ATG12: variants seen among roughly 807,000 people sequenced by gnomAD.
ATG12 encodes ubiquitin-like protein ATG12.
Under a neutral mutation model 17.6 loss-of-function variants are expected in ATG12, and 19 were observed. The observed-to-expected ratio is 1.08, with a 90% confidence interval of 0.75 to 1.58. The LOEUF (loss-of-function observed/expected upper bound fraction) is 1.58, where lower values mean the gene tolerates loss of function less well. Among genes scored for constraint, ATG12 ranks in the 40% most tolerant of loss-of-function variants. The pLI is 0.00. For missense variants in ATG12, 214 were observed against 162.0 expected (o/e 1.32, Z -1.74); for synonymous variants, 75 against 62.4 (o/e 1.20, Z -0.95).
intron 2 of ATG12, among the ~76,000 whole-genome samples, chr5:115,836,526 A>T (rs978458979): frequency 1.6e-4 from 25 of 152,038 alleles, no homozygotes; most frequent in African/African-American, 6.0e-4. Flanking sequence ...AAACTCTTAG[A>T]TCAGAGTCAG....
At position 115,837,150 on chromosome 5, in the gene ATG12, T is replaced by C. The variant is rs189044473; in HGVS notation, c.300+478A>G. Among the ~76,000 whole-genome samples, 112 of 152,170 alleles carry C rather than the reference T, an allele frequency of 7.4e-4. 2 individuals carry two copies. Among genetic ancestry groups the C allele is most frequent in the Admixed American group, 6.9e-3 (105 of 15,270 alleles). On this transcript the variant is annotated intron_variant, in intron 2 of 3. Transcript: ENST00000509910. Reference sequence around the variant, plus strand: ...GGAAAACAATACAGGAGGCAAAAAATAAATACATAAACTGGTTCACATTGT... The same window carrying C: ...GGAAAACAATACAGGAGGCAAAAAACAAATACATAAACTGGTTCACATTGT...
rs747267885 is a variant in ATG12, at chr5:115,841,534, A to G, written c.19T>C (p.Ser7Pro). 3.7e-6 allele frequency: 6 copies of G among 1,613,200 alleles called. No individual in the cohort carries two copies. The highest frequency in any genetic ancestry group is 1.7e-5 in the Admixed American group (1 of 59,840). Residue 7 changes from serine (S) to proline (P), a missense_variant, in exon 1 of 4, where the codon TCT becomes CCT. Transcript: ENST00000509910. The part of the protein sequence containing the change: MAEEPQ[S>P]VLQLPTSIAA... ...ATTGAAGTAGGAAGCTGCAACACAGACTGCGGCTCCTCCGCCATCTTGCTT... is the reference window on the plus strand; with the variant it reads ...ATTGAAGTAGGAAGCTGCAACACAGGCTGCGGCTCCTCCGCCATCTTGCTT...
chr5:115,841,480 C>A lies in ATG12; in HGVS notation c.73G>T (p.Val25Phe), dbSNP rs779670457. Reference protein sequence around the residue: ...IAAGGEGLTDVSPETTTPEPP... With the variant: ...IAAGGEGLTDFSPETTTPEPP... Reference sequence around the variant, plus strand: ...TCCGGGGTGGTTGTTTCTGGGGAGACATCCGTAAGTCCTTCCCCTCCAGCA... The same window carrying A: ...TCCGGGGTGGTTGTTTCTGGGGAGAAATCCGTAAGTCCTTCCCCTCCAGCA... The change falls in exon 1 of 4, where the codon GTC becomes TTC. Residue 25 changes from valine to phenylalanine, a missense_variant. By Grantham distance (50) the Val-to-Phe change is conservative (BLOSUM62 -1). Coordinates refer to ENST00000509910, the MANE Select transcript of ATG12 (RefSeq NM_004707.4). 1.9e-6 allele frequency: 3 copies of A among 1,611,428 alleles called. No homozygotes were observed. The East Asian group carries it at 6.7e-5, about 36-fold the overall frequency.
At chr5:115,840,756 G>C in intron 1 of ATG12, 2 of 1,178,860 alleles carry the variant, frequency 1.7e-6, no homozygotes, top group African/African-American at 1.6e-5. Context: ...CTTTTACAAA[G>C]GGAAACATTC....
rs759393254 is a variant in ATG12, at chr5:115,829,264, C to T, written c.*2540G>A. ...AAAAGAGATTTTTATTTTCACACTC[C>T]TTCAACACCTAAGGCTTTCTCACTT... On this transcript the variant is annotated 3_prime_UTR_variant, in exon 4 of 4. Coordinates refer to ENST00000509910, the MANE Select transcript of ATG12 (RefSeq NM_004707.4). 4.6e-5 allele frequency: 7 copies of T among 152,144 alleles called. No homozygotes were observed. Among genetic ancestry groups the T allele is most frequent in the Non-Finnish European group, 1.0e-4 (7 of 68,024 alleles). 9.4% of individuals were successfully genotyped at this position (152,144 alleles called of 1,614,324 possible). A position where few individuals can be genotyped will look rare whatever the true frequency, so the allele number is the denominator to read the frequency against.
At position 115,837,693 on chromosome 5, in the gene ATG12, G is replaced by C; in HGVS notation, c.235C>G (p.Arg79Gly). 1.2e-6 allele frequency: 2 copies of C among 1,613,526 alleles called. No homozygotes were observed. Among genetic ancestry groups the C allele is most frequent in the Non-Finnish European group, 1.7e-6 (2 of 1,179,842 alleles). The change falls in exon 2 of 4, where the codon CGA (arginine) becomes GGA (glycine). Residue 79 changes from arginine to glycine, a missense_variant. Arg to Gly is a moderately radical substitution (Grantham distance 125). Transcript: ENST00000509910. ...KTKKWAVERT[R>G]TIQGLIDFIK... Reference sequence around the variant, plus strand: ...AAGTCAATGAGTCCTTGGATGGTTCGTGTTCGCTCTACTGCCCACTTCTTT... The same window carrying C: ...AAGTCAATGAGTCCTTGGATGGTTCCTGTTCGCTCTACTGCCCACTTCTTT...
intron 2 of ATG12, chr5:115,834,125 G>A (rs1022054012): frequency 2.6e-5 from 4 of 152,196 alleles, no homozygotes; most frequent in African/African-American, 9.7e-5. Context: ...AAATAAGCAG[G>A]ATTTAACCAG....
chr5:115,831,850 T>C lies in ATG12; in HGVS notation c.377A>G (p.Asp126Gly), dbSNP rs1760882774. ...VGTLYECFGS[D>G]GKLVLHYCKS... ...GCAGTAATGTAAAACCAGTTTACCA[T>C]CACTGCCAAAACACTACAAAAAAAA... The change falls in exon 4 of 4, where the codon GAT becomes GGT. Residue 126 changes from aspartate to glycine, a missense_variant. Asp to Gly is a moderately conservative substitution (Grantham distance 94). Transcript: ENST00000509910. 1 of 1,611,440 alleles carries C rather than the reference T, an allele frequency of 6.2e-7. No homozygotes were observed. The highest frequency in any genetic ancestry group is 8.5e-7 in the Non-Finnish European group (1 of 1,179,032).
At chr5:115,834,003 C>T (rs1048474856) in intron 2 of ATG12, 16 of 152,102 alleles carry the variant, frequency 1.1e-4, no homozygotes, top group Non-Finnish European at 1.5e-5. Flanking sequence ...GGCAGAGACA[C>T]ACATGAATAA....
At position 115,841,526 on chromosome 5, in the gene ATG12, C is replaced by A. The variant is rs1388921391; in HGVS notation, c.27G>T (p.Leu9Phe). 6.2e-7 allele frequency: 1 copy of A among 1,613,434 alleles called. No individual in the cohort carries two copies. The highest frequency in any genetic ancestry group is 1.1e-5 in the South Asian group (1 of 91,072). Residue 9 changes from leucine to phenylalanine, a missense_variant, in exon 1 of 4, where the codon TTG (leucine) becomes TTT (phenylalanine). Transcript: ENST00000509910. ...CAGCAGCAATTGAAGTAGGAAGCTG[C>A]AACACAGACTGCGGCTCCTCCGCCA... MAEEPQSVLQLPTSIAAGG... is the reference protein window; with the variant it reads MAEEPQSVFQLPTSIAAGG...
chr5:115,838,877 T>A (rs1017391340), intron 1 of ATG12: 3 of 152,178 alleles, frequency 2.0e-5, no homozygotes. Flanking sequence ...TCACTTGAGG[T>A]CAGGAGTTCA....
chr5:115,840,115 C>G (rs551208994), intron 1 of ATG12, among the ~76,000 whole-genome samples: 51 of 152,210 alleles, frequency 3.4e-4, no homozygotes, highest in African/African-American at 1.2e-3. Context: ...AAAAATGCAA[C>G]AAAACACTGT....
chr5:115,830,121 A>C lies in ATG12; in HGVS notation c.*1683T>G, dbSNP rs1233494793. On this transcript the variant is annotated 3_prime_UTR_variant, in exon 4 of 4. Transcript: ENST00000509910. ...AACAAGACCGAAACGCTGTCTCTTT[A>C]AAAAAAAAAAAAAAAAAAAAAAGTG... 1.7e-4 allele frequency: 1 copy of C among 5,940 alleles called. No individual in the cohort carries two copies. Among genetic ancestry groups the C allele is most frequent in the Non-Finnish European group, 3.0e-4 (1 of 3,384 alleles). The allele number at this position is 5,940 out of a possible 1,614,324, so 0.4% of individuals were successfully genotyped here.
rs1033327919 is a variant in ATG12 at position 115,830,373 on chromosome 5, T to C, written c.*1431A>G. On this transcript the variant is annotated 3_prime_UTR_variant, in exon 4 of 4. Transcript: ENST00000509910. ...TCAACATATTTTTATTTGTTAAATA[T>C]ATGAATATAATTAAATATATTCCTT... 6.6e-6 allele frequency: 1 copy of C among 152,120 alleles called. No individual in the cohort carries two copies. The highest frequency in any genetic ancestry group is 2.4e-5 in the African/African-American group (1 of 41,440). 9.4% of individuals were successfully genotyped at this position (152,120 alleles called of 1,614,324 possible). A position where few individuals can be genotyped will look rare whatever the true frequency, so the allele number is the denominator to read the frequency against.
chr5:115,836,111 T>A (rs764784062), intron 2 of ATG12, among the ~76,000 whole-genome samples: 6 of 152,200 alleles, frequency 3.9e-5, no homozygotes, highest in Admixed American at 6.5e-5. Flanking sequence ...ATAATTCTTA[T>A]GTTTCCTATT....
chr5:115,835,704 G>A (rs1347623696), intron 2 of ATG12, among the ~76,000 whole-genome samples: 2 of 152,104 alleles, frequency 1.3e-5, no homozygotes, highest in Admixed American at 1.3e-4. Flanking sequence ...TCTTAAATTG[G>A]CTCACTTTAC....
intron 2 of ATG12, among the ~76,000 whole-genome samples, chr5:115,835,765 C>T (rs1477704101): frequency 2.0e-5 from 3 of 152,156 alleles, no homozygotes; most frequent in Non-Finnish European, 4.4e-5. Flanking sequence ...TTCTCAGTGC[C>T]GTCAGATGCC....
At chr5:115,837,350 G>A (rs1182717528) in intron 2 of ATG12, among the ~76,000 whole-genome samples, 2 of 151,984 alleles carry the variant, frequency 1.3e-5, no homozygotes, top group African/African-American at 4.8e-5. Flanking sequence ...GCTTGGTGGT[G>A]CACTCCTGTA....
chr5:115,841,215 C>A, intron 1 of ATG12, 175 bp downstream of exon 1: 2 of 770,688 alleles, frequency 2.6e-6, no homozygotes, highest in Non-Finnish European at 4.1e-6. Flanking sequence ...GGTATTTTAA[C>A]ACTCAACTTA....
Sources: allele counts gnomAD v4.1 joint callset (sites outside exome capture counted in the v4.1 genomes callset), GRCh38; gene constraint gnomAD v4.1.1; transcripts MANE v1.5; gene names NCBI Gene and HGNC (gene_info 2026-07-23, HGNC 2026-07-21).